The following POLR1B variants were observed in gnomAD, a reference collection of about 807,000 sequenced individuals.
POLR1B encodes the protein RNA polymerase I subunit B.
Under a neutral mutation model 105.8 loss-of-function variants are expected in POLR1B, and 30 were observed. The observed-to-expected ratio is 0.28, with a 90% confidence interval of 0.21 to 0.38. POLR1B has a LOEUF of 0.38. Ranked by LOEUF, POLR1B falls within the 10% of genes least tolerant of loss-of-function variation. The pLI, the probability that POLR1B is intolerant of heterozygous loss-of-function variation, is 1.00. For synonymous variants in POLR1B, 485 were observed against 505.1 expected, an observed-to-expected ratio of 0.96 and a Z score of 0.53; for missense variants, 976 against 1,435.8, an observed-to-expected ratio of 0.68 and a Z score of 5.17.
chr2:112,551,809 A>T lies in POLR1B; in HGVS notation c.797A>T (p.Gln266Leu). The change falls in exon 6 of 15, where the codon CAG (glutamine) becomes CTG (leucine). Residue 266 changes from glutamine to leucine, a missense_variant. Physicochemically the swap from Gln to Leu is moderately radical, Grantham distance 113. This residue lies in a region of POLR1B where 452 missense variants were observed against 616.5 expected (regional missense o/e 0.73). Coordinates refer to ENST00000263331, the MANE Select transcript of POLR1B (RefSeq NM_019014.6). ...LVSFSDYQIF[Q>L]ELIKGKEDDS... is the part of the protein sequence containing the mutation. ...AGCTTTTCTGATTATCAGATCTTTCAGGAGCTCATCAAAGGAAAAGAGGAT... is the reference window on the plus strand; with the variant it reads ...AGCTTTTCTGATTATCAGATCTTTCTGGAGCTCATCAAAGGAAAAGAGGAT... 1 of 1,614,138 alleles carries T rather than the reference A, an allele frequency of 6.2e-7. No homozygotes were observed. The highest frequency in any genetic ancestry group is 8.5e-7 in the Non-Finnish European group (1 of 1,179,962).
intron 8 of POLR1B, among the ~76,000 whole-genome samples, chr2:112,558,917 CT>C (rs34385497): frequency 0.03 from 4,188 of 141,528 alleles, 129 homozygotes; most frequent in African/African-American, 0.084. Context: ...TGTGCCCCGC[CT>C]TTTTTTTTTT....
intron 1 of POLR1B, 137 bp from the exon 2 acceptor site, chr2:112,546,875 C>A: frequency 1.1e-6 from 1 of 922,658 alleles, no homozygotes; most frequent in African/African-American, 1.7e-5. Context: ...CTGGAGGTAG[C>A]CTTAACTGTC....
rs559831399 is a variant in POLR1B at position 112,568,764 on chromosome 2, A to T, written c.1936A>T (p.Ile646Phe). Residue 646 changes from isoleucine to phenylalanine, a missense_variant, in exon 12 of 15, where the codon ATC (isoleucine) becomes TTC (phenylalanine). Physicochemically the swap from Ile to Phe is conservative, Grantham distance 21. Coordinates refer to ENST00000263331, the MANE Select transcript of POLR1B (RefSeq NM_019014.6). ...CTTCCAGATCTTCATGAATGTCGCT[A>T]TCTTTGAGGATGAAGTTTTTGCTGG... ...TMEQIFMNVA[I>F]FEDEVFAGVT... is the part of the protein sequence containing the mutation. 1.9e-6 allele frequency: 3 copies of T among 1,613,992 alleles called. No individual in the cohort carries two copies. The highest frequency in any genetic ancestry group is 2.5e-6 in the Non-Finnish European group (3 of 1,180,016).
intron 9 of POLR1B, among the ~76,000 whole-genome samples, chr2:112,561,636 G>C (rs1280113050): frequency 6.6e-6 from 1 of 152,062 alleles, no homozygotes. Flanking sequence ...TGTTTTTTGT[G>C]TGTTTCTGTT....
chr2:112,559,762 C>A (rs969204248), intron 9 of POLR1B, among the ~76,000 whole-genome samples, 188 bp downstream of exon 9: 1 of 152,086 alleles, frequency 6.6e-6, no homozygotes, highest in Non-Finnish European at 1.5e-5. Flanking sequence ...TCCCGAGTAG[C>A]TGGAACTACA....
intron 3 of POLR1B, among the ~76,000 whole-genome samples, chr2:112,549,065 C>T (rs1683221436): frequency 6.6e-6 from 1 of 152,082 alleles, no homozygotes; most frequent in South Asian, 2.1e-4. Flanking sequence ...TCCCATGTCC[C>T]TAGGACCTTT....
chr2:112,546,544 C>CTTTGTTTT (rs1683054062), intron 1 of POLR1B, among the ~76,000 whole-genome samples: 1 of 53,158 alleles, frequency 1.9e-5, no homozygotes, highest in Non-Finnish European at 3.1e-5. Context: ...CTGGAGGTAG[C>CTTTGTTTT]TTTTTTTTTT....
chr2:112,561,727 T>C (rs1683996687), intron 9 of POLR1B, among the ~76,000 whole-genome samples: 1 of 152,244 alleles, frequency 6.6e-6, no homozygotes, highest in African/African-American at 2.4e-5. Flanking sequence ...TATAGGCTTA[T>C]CTAACACACA....
intron 12 of POLR1B, 66 bp from the exon 13 acceptor site, chr2:112,572,496 T>TG: frequency 8.5e-7 from 1 of 1,176,572 alleles, no homozygotes; most frequent in Non-Finnish European, 1.2e-6. Flanking sequence ...TTTCCAGTGT[T>TG]GCGTATCACA....
At chr2:112,555,551 CTGAGG>C (rs1683615888) in intron 7 of POLR1B, among the ~76,000 whole-genome samples, 1 of 151,988 alleles carries the variant, frequency 6.6e-6, no homozygotes, top group Non-Finnish European at 1.5e-5. Context: ...ACTCAGCAGG[CTGAGG>C]TAAGAGGATT....
In POLR1B at chr2:112,567,993, C is replaced by T. The variant is rs1195717161; in HGVS notation, c.1773C>T (p.Pro591=). 3 of 1,613,816 alleles carry T rather than the reference C, an allele frequency of 1.9e-6. No homozygotes were observed. The Admixed American group carries it at 5.0e-5, about 27-fold the overall frequency. ...FKVLREKRIP[P]WMEVVLIPMT... is the part of the protein sequence containing the mutation. ...TGTTGAGAGAGAAAAGAATTCCTCC[C>T]TGGATGGAAGTGGTCCTTATACCCA... Residue 591 remains proline, a synonymous_variant, in exon 11 of 15, where the codon CCC becomes CCT. Transcript: ENST00000263331.
rs181685293 is a variant in POLR1B, at chr2:112,564,468, C to T, written c.1715C>T (p.Pro572Leu). 163 of 1,614,244 alleles carry T rather than the reference C, an allele frequency of 1.0e-4. 1 individual carries two copies. The East Asian group carries it at 3.3e-3, about 32-fold the overall frequency. Residue 572 changes from proline (P) to leucine (L), a missense_variant, in exon 10 of 15, where the codon CCA (proline) becomes CTA (leucine). This residue lies in a region of POLR1B where 184 missense variants were observed against 197.4 expected (regional missense o/e 0.93). Transcript: ENST00000263331. The stretch of plus-strand genomic sequence containing the variant: ...GGCTGGGTGGATAAGGATCTTGCTC[C>T]AGGCATCGCAGATTCTCTTCGTCAT... ...MVGWVDKDLA[P>L]GIADSLRHFK...
At chr2:112,571,339 C>T (rs1270252779) in intron 12 of POLR1B, among the ~76,000 whole-genome samples, 1 of 152,126 alleles carries the variant, frequency 6.6e-6, no homozygotes, top group Non-Finnish European at 1.5e-5. Context: ...ACCCTGGATC[C>T]TGTTAGGGTC....
chr2:112,572,378 T>G (rs1405422029), intron 12 of POLR1B, among the ~76,000 whole-genome samples, 184 bp from the exon 13 acceptor site: 1 of 152,244 alleles, frequency 6.6e-6, no homozygotes, highest in African/African-American at 2.4e-5. Flanking sequence ...CTGGTCACGT[T>G]GATACATTTA....
chr2:112,554,649 T>C (rs1464549295), intron 7 of POLR1B: 1 of 152,198 alleles, frequency 6.6e-6, no homozygotes, highest in Non-Finnish European at 1.5e-5. Flanking sequence ...ACATTTCCCA[T>C]CTACTTAAAG....
At chr2:112,574,487 A>G (rs1348077163) in intron 14 of POLR1B, among the ~76,000 whole-genome samples, 1 of 152,118 alleles carries the variant, frequency 6.6e-6, no homozygotes, top group Non-Finnish European at 1.5e-5. Flanking sequence ...TGGGAGACCA[A>G]AACAGGAGGA....
chr2:112,572,851 A>G, intron 13 of POLR1B, 93 bp downstream of exon 13: 1 of 1,131,996 alleles, frequency 8.8e-7, no homozygotes, highest in Admixed American at 2.6e-5. Flanking sequence ...TTGTGTACCC[A>G]AGTACCTAGT....
intron 5 of POLR1B, 49 bp downstream of exon 5, chr2:112,551,051 G>C (rs772117796): frequency 1.2e-5 from 19 of 1,546,898 alleles, no homozygotes; most frequent in Admixed American, 1.0e-4. Context: ...TTCACTGGGG[G>C]TAGTATCCTG....
chr2:112,552,681 A>G lies in POLR1B; in HGVS notation c.1023A>G (p.Glu341=), dbSNP rs1683435155. 6.2e-7 allele frequency: 1 copy of G among 1,604,974 alleles called. No individual in the cohort carries two copies. The highest frequency in any genetic ancestry group is 8.5e-7 in the Non-Finnish European group (1 of 1,176,324). ...CICIHLKSNT[E]KFYMLCLMTR... is the part of the protein sequence containing the mutation. ...GTATCCACTTGAAATCCAATACTGA[A>G]AAGTTTTATATGCTTTGTCTCATGA... Residue 341 remains glutamate (E), a synonymous_variant, in exon 7 of 15, where the codon GAA becomes GAG. Coordinates refer to ENST00000263331, the MANE Select transcript of POLR1B (RefSeq NM_019014.6).
Sources: gnomAD v4.1 joint callset for allele counts (sites outside exome capture counted in the v4.1 genomes callset) on GRCh38, gnomAD v4.1.1 for gene constraint, gnomAD v4.1.1 regional missense constraint, MANE v1.5 for transcripts, NCBI Gene and HGNC (gene_info 2026-07-23, HGNC 2026-07-21) for gene names.